CSMD1: variants seen among roughly 807,000 people sequenced by gnomAD.
CSMD1 encodes the protein CUB and sushi domain-containing protein 1.
In CSMD1, 213 loss-of-function variants were observed where a neutral mutation model predicts 417.5. The observed-to-expected ratio is 0.51, with a 90% confidence interval of 0.46 to 0.57. The LOEUF is 0.57. Among genes scored for constraint, CSMD1 ranks in the 20% least tolerant of loss-of-function variants. CSMD1 has a pLI of 0.00. For synonymous variants in CSMD1, 2,862 were observed against 1,736.8 expected, an observed-to-expected ratio of 1.65 and a Z score of -16.11; for missense variants, 6,923 against 4,529.7, an observed-to-expected ratio of 1.53 and a Z score of -15.17.
intron 7 of CSMD1, among the ~76,000 whole-genome samples, chr8:3,669,365 G>A (rs867471514): frequency 3.9e-5 from 6 of 152,172 alleles, no homozygotes; most frequent in Admixed American, 2.0e-4. Context: ...CCTTGGGCGG[G>A]AGGGTCCAAG....
intron 3 of CSMD1, among the ~76,000 whole-genome samples, chr8:4,162,182 T>C (rs149372729): frequency 6.6e-6 from 1 of 152,300 alleles, no homozygotes; most frequent in Admixed American, 6.5e-5. Flanking sequence ...TTTGCGCAAC[T>C]TTTCTTTCCA....
intron 7 of CSMD1, among the ~76,000 whole-genome samples, chr8:3,689,863 A>G (rs952492210): frequency 6.6e-5 from 10 of 152,236 alleles, no homozygotes; most frequent in Admixed American, 3.3e-4. Context: ...TTTAAATCAG[A>G]TATTTCCTCC....
intron 5 of CSMD1, among the ~76,000 whole-genome samples, chr8:3,839,220 GTA>G (rs904544873): frequency 6.9e-4 from 84 of 121,058 alleles, no homozygotes; most frequent in Non-Finnish European, 1.2e-3. Context: ...TTAATATATA[GTA>G]TAATATATAA....
intron 54 of CSMD1, among the ~76,000 whole-genome samples, chr8:2,984,632 C>A (rs1039664238): frequency 2.0e-5 from 3 of 152,216 alleles, no homozygotes; most frequent in Non-Finnish European, 2.9e-5. Flanking sequence ...CAGGCATGAG[C>A]CACCGCGCCT....
At chr8:3,411,966 GCACGTATATATACACGTATA>G (rs1563361910) in intron 12 of CSMD1, among the ~76,000 whole-genome samples, 172 of 3,212 alleles carry the variant, frequency 0.054, 10 homozygotes, top group East Asian at 0.097. Context: ...ACGTATATAT[GCACGTATATATACACGTATA>G]TATACGTGTA....
intron 3 of CSMD1, among the ~76,000 whole-genome samples, chr8:4,032,760 A>G (rs77393240): frequency 0.01 from 1,551 of 152,350 alleles, 32 homozygotes; most frequent in African/African-American, 0.036. Flanking sequence ...GACAACAGAA[A>G]TACTGAATTC....
chr8:3,633,974 T>C (rs1187043033), intron 7 of CSMD1, among the ~76,000 whole-genome samples: 1 of 151,402 alleles, frequency 6.6e-6, no homozygotes, highest in Non-Finnish European at 1.5e-5. Context: ...AACATGAAGA[T>C]GAATATGCAT....
intron 10 of CSMD1, among the ~76,000 whole-genome samples, chr8:3,509,273 C>A (rs1468610282): frequency 6.6e-6 from 1 of 152,156 alleles, no homozygotes; most frequent in Non-Finnish European, 1.5e-5. Flanking sequence ...AAAGCATGGA[C>A]AATGACTAAA....
At chr8:3,941,852 C>T (rs1407477900) in intron 5 of CSMD1, among the ~76,000 whole-genome samples, 1 of 152,074 alleles carries the variant, frequency 6.6e-6, no homozygotes, top group Admixed American at 6.6e-5. Flanking sequence ...CCAAAAGGGT[C>T]CCCAACCCTG....
chr8:3,243,076 C>G (rs943658719), intron 26 of CSMD1, among the ~76,000 whole-genome samples: 1 of 152,024 alleles, frequency 6.6e-6, no homozygotes, highest in South Asian at 2.1e-4. Context: ...TTGAAATTAA[C>G]AGAAGGGAGA....
chr8:4,896,231 T>G (rs1435973275), intron 1 of CSMD1, among the ~76,000 whole-genome samples: 1 of 152,128 alleles, frequency 6.6e-6, no homozygotes, highest in Non-Finnish European at 1.5e-5. Context: ...TCTTTCAACT[T>G]TGCAGGTCAC....
At chr8:3,439,412 G>A (rs1814821504) in intron 12 of CSMD1, among the ~76,000 whole-genome samples, 2 of 142,832 alleles carry the variant, frequency 1.4e-5, no homozygotes, top group South Asian at 4.4e-4. Context: ...GTGTTACACA[G>A]TGTTCTATGT....
intron 10 of CSMD1, among the ~76,000 whole-genome samples, chr8:3,563,095 T>G (rs1356698236): frequency 6.6e-6 from 1 of 152,144 alleles, no homozygotes; most frequent in Non-Finnish European, 1.5e-5. Flanking sequence ...GTTGTAATTT[T>G]TCTTCATTTT....
rs986908098 is a variant in CSMD1, at chr8:3,845,729, T to C, written c.819-91687A>G. On this transcript the variant is annotated intron_variant, in intron 5 of 69. Transcript: ENST00000635120. ...TTATAAAGTTTTTGATTTTTCATCT[T>C]TTTTACTCTTACAATAACACATAGC... 2.6e-5 allele frequency among the ~76,000 whole-genome samples: 4 copies of C among 152,310 alleles called. No homozygotes were observed. The East Asian group carries it at 7.7e-4, about 29-fold the overall frequency.
At position 2,978,751 on chromosome 8, in the gene CSMD1, C is replaced by T; in HGVS notation, c.8427G>A (p.Gly2809=). 1 of 1,613,406 alleles carries T rather than the reference C, an allele frequency of 6.2e-7. No homozygotes were observed. Reference sequence around the variant, plus strand: ...CAAAACTCTCAGGGAAGTTCTGTTGCCCGTGACGAATGGCATTTTCCACAA... The same window carrying T: ...CAAAACTCTCAGGGAAGTTCTGTTGTCCGTGACGAATGGCATTTTCCACAA... The part of the protein sequence containing the change: ...PGFVENAIRH[G]QQNFPESFEY... The change falls in exon 55 of 70, where the codon GGG becomes GGA. Residue 2809 remains glycine, a synonymous_variant. Coordinates refer to ENST00000635120, the MANE Select transcript of CSMD1 (RefSeq NM_033225.6).
At chr8:4,501,376 T>A (rs1014690898) in intron 2 of CSMD1, among the ~76,000 whole-genome samples, 1 of 152,138 alleles carries the variant, frequency 6.6e-6, no homozygotes, top group Middle Eastern at 3.2e-3. Flanking sequence ...TTATTAGGCA[T>A]CATTTAAACA....
intron 3 of CSMD1, among the ~76,000 whole-genome samples, chr8:4,254,350 A>G (rs1057011741): frequency 1.3e-5 from 2 of 152,162 alleles, no homozygotes; most frequent in African/African-American, 4.8e-5. Flanking sequence ...GTCTGCTTGT[A>G]TAGGGAAGTA....
intron 3 of CSMD1, among the ~76,000 whole-genome samples, chr8:4,040,205 G>T (rs1013167326): frequency 1.9e-4 from 29 of 152,158 alleles, no homozygotes; most frequent in Non-Finnish European, 1.5e-5. Context: ...GGACATCGTA[G>T]TTTTTCATTT....
At chr8:3,704,462 A>C (rs1801053369) in intron 7 of CSMD1, among the ~76,000 whole-genome samples, 2 of 152,222 alleles carry the variant, frequency 1.3e-5, no homozygotes, top group Admixed American at 1.3e-4. Flanking sequence ...TAGGGACATA[A>C]CCACAACAAC....
Sources: allele counts gnomAD v4.1 joint callset (sites outside exome capture counted in the v4.1 genomes callset), GRCh38; gene constraint gnomAD v4.1.1; transcripts MANE v1.5; gene names NCBI Gene and HGNC (gene_info 2026-07-23, HGNC 2026-07-21).